The following SIGLEC10 variants were observed in gnomAD, a reference collection of about 807,000 sequenced individuals.
SIGLEC10 encodes sialic acid-binding Ig-like lectin 10.
In SIGLEC10, 45 loss-of-function variants were observed where a neutral mutation model predicts 68.3. The ratio of observed to expected loss-of-function variants is 0.66; its 90% CI spans 0.52 to 0.84. The LOEUF is 0.84. SIGLEC10 is among the 40% of genes least tolerant of loss of function. The pLI, the probability that SIGLEC10 is intolerant of heterozygous loss-of-function variation, is 0.00. For missense variants in SIGLEC10, 789 were observed against 883.1 expected, an observed-to-expected ratio of 0.89 and a Z score of 1.35; for synonymous variants, 379 against 370.8, an observed-to-expected ratio of 1.02 and a Z score of -0.26.
intron 10 of SIGLEC10, among the ~76,000 whole-genome samples, chr19:51,413,083 C>G (rs905263380): frequency 3.9e-5 from 6 of 152,060 alleles, no homozygotes; most frequent in Non-Finnish European, 2.9e-5. Flanking sequence ...GAAGGAGCCA[C>G]GAGATACAAT....
chr19:51,411,291 C>G lies in SIGLEC10; in HGVS notation c.1902G>C (p.Lys634Asn). 6.2e-7 allele frequency: 1 copy of G among 1,614,130 alleles called. No homozygotes were observed. Among genetic ancestry groups the G allele is most frequent in the Non-Finnish European group, 8.5e-7 (1 of 1,180,022 alleles). ...ACTGATACTGCTTTTTCTGGTTCTT[C>G]TTTGATTCTGGGGAGGGAGCACCTG... ...LPPGAPSPES[K>N]KNQKKQYQLP... is the part of the protein sequence containing the mutation. Residue 634 changes from lysine (K) to asparagine (N), a missense_variant, in exon 11 of 11, where the codon AAG becomes AAC. Coordinates refer to ENST00000339313, the MANE Select transcript of SIGLEC10 (RefSeq NM_033130.5).
At position 51,414,530 on chromosome 19, in the gene SIGLEC10, G is replaced by A. The variant is rs1393061287; in HGVS notation, c.1616-15C>T. 3 of 1,610,976 alleles carry A rather than the reference G, an allele frequency of 1.9e-6. No homozygotes were observed. Among genetic ancestry groups the A allele is most frequent in the Non-Finnish European group, 2.5e-6 (3 of 1,177,770 alleles). The stretch of plus-strand genomic sequence containing the variant: ...TCCCTTCTTATCTGCACACGGAGAG[G>A]GCAAGGTGAGCATTTCCCATCCACG... On this transcript the variant is annotated splice_polypyrimidine_tract_variant and intron_variant, in intron 8 of 10. Transcript: ENST00000339313. This position sits in a 1 kb window ranked among gnomAD's most constrained non-coding sequence, Gnocchi z 4.1.
At chr19:51,413,463 A>C (rs1046948292) in intron 10 of SIGLEC10, among the ~76,000 whole-genome samples, 2 of 152,200 alleles carry the variant, frequency 1.3e-5, no homozygotes, top group Admixed American at 6.6e-5. Flanking sequence ...ATGGCTACAG[A>C]TTGAGAAAGT....
At chr19:51,413,912 G>T (rs766314257) in intron 9 of SIGLEC10, 89 bp from the exon 10 acceptor site, 130 of 925,794 alleles carry the variant, frequency 1.4e-4, no homozygotes, top group Non-Finnish European at 2.1e-4. Context: ...CACTATGACA[G>T]TTACTACTGT....
Position 51,414,227 on chromosome 19 carries a change from C to T in SIGLEC10, c.1709+195G>A, listed in dbSNP as rs1988294840. On this transcript the variant is annotated intron_variant, in intron 9 of 10. Transcript: ENST00000339313. This position sits in a 1 kb window ranked among gnomAD's most constrained non-coding sequence, Gnocchi z 4.1. ...ACTTCGCTTGGGGCGTGACTGCCCTCAGCATTCCCTCTGGGAAGCAGACGC... is the reference window on the plus strand; with the variant it reads ...ACTTCGCTTGGGGCGTGACTGCCCTTAGCATTCCCTCTGGGAAGCAGACGC... 3.3e-6 allele frequency: 2 copies of T among 604,220 alleles called. No homozygotes were observed. Among genetic ancestry groups the T allele is most frequent in the Non-Finnish European group, 5.9e-6 (2 of 340,626 alleles). The allele number at this position is 604,220 out of a possible 1,614,324, so 37.4% of individuals were successfully genotyped here.
rs1988387316 is a variant in SIGLEC10 at position 51,414,624 on chromosome 19, G to A, written c.1616-109C>T. ...GGTTCCCATGGCGGACATTGTATCT[G>A]CAACCCCTCTGTTTACTTTTAGGAA... On this transcript the variant is annotated intron_variant, in intron 8 of 10. Transcript: ENST00000339313. The surrounding 1 kb of genome is among the most constrained non-coding windows in gnomAD (Gnocchi z 4.1). 7.4e-6 allele frequency: 10 copies of A among 1,359,810 alleles called. No homozygotes were observed. The highest frequency in any genetic ancestry group is 6.0e-5 in the South Asian group (5 of 82,804). 84.2% of individuals were successfully genotyped at this position (1,359,810 alleles called of 1,614,324 possible). A position where few individuals can be genotyped will look rare whatever the true frequency, so the allele number is the denominator to read the frequency against.
chr19:51,411,227 G>A lies in SIGLEC10; in HGVS notation c.1966C>T (p.Pro656Ser). The A allele has an allele frequency of 6.2e-7, 1 of 1,614,110 alleles. No homozygotes were observed. The highest frequency in any genetic ancestry group is 8.5e-7 in the Non-Finnish European group (1 of 1,180,038). ...TCCTCTTGGCTCTCCTGGGATTCTG[G>A]GGCTTGAGTGGATGATTTGGGTTCT... Reference protein sequence around the residue: ...FPEPKSSTQAPESQESQEELH... With the variant: ...FPEPKSSTQASESQESQEELH... Residue 656 changes from proline (P) to serine (S), a missense_variant, in exon 11 of 11, where the codon CCA becomes TCA. Coordinates refer to ENST00000339313, the MANE Select transcript of SIGLEC10 (RefSeq NM_033130.5).
rs71358836 is a variant in SIGLEC10, at chr19:51,416,598, A to T, written c.706+68T>A. 1.9e-6 allele frequency: 3 copies of T among 1,599,420 alleles called. No individual in the cohort carries two copies. The East Asian group carries it at 6.7e-5, about 36-fold the overall frequency. On this transcript the variant is annotated intron_variant, in intron 3 of 10. Transcript: ENST00000339313. ...TGAGCTGGGAGCCGCTCACTGTCCCACTGGGCTCCTCCACCTCCCCACCCA... is the reference window on the plus strand; with the variant it reads ...TGAGCTGGGAGCCGCTCACTGTCCCTCTGGGCTCCTCCACCTCCCCACCCA...
In SIGLEC10 at chr19:51,411,351, T is replaced by C; in HGVS notation, c.1842A>G (p.Lys614=). The C allele has an allele frequency of 6.2e-7, 1 of 1,614,018 alleles. No individual in the cohort carries two copies. Among genetic ancestry groups the C allele is most frequent in the Non-Finnish European group, 8.5e-7 (1 of 1,179,862 alleles). Reference sequence around the variant, plus strand: ...GGGTCCGAGGACTGTTTGGTGTGGCTTTCTGATTCCGCTTCTGAGCCTGAG... The same window carrying C: ...GGGTCCGAGGACTGTTTGGTGTGGCCTTCTGATTCCGCTTCTGAGCCTGAG... ...AGPLAQKRNQ[K]ATPNSPRTPL... Residue 614 remains lysine, a synonymous_variant, in exon 11 of 11, where the codon AAA becomes AAG. Coordinates refer to ENST00000339313, the MANE Select transcript of SIGLEC10 (RefSeq NM_033130.5).
Position 51,417,365 on chromosome 19 carries a change from G to C in SIGLEC10, c.138C>G (p.Pro46=), listed in dbSNP as rs61741679. Residue 46 remains proline, a synonymous_variant, in exon 2 of 11, where the codon CCC becomes CCG. Coordinates refer to ENST00000339313, the MANE Select transcript of SIGLEC10 (RefSeq NM_033130.5). ...GGGTAGACCCTGTCCAGTCCTGTCG[G>C]GGGTAGGAGAAAGAGCAGGGCACAG... ...CISVPCSFSY[P]RQDWTGSTPA... 0.037 allele frequency: 59,083 copies of C among 1,614,142 alleles called. 1,863 individuals carry two copies. The highest frequency in any genetic ancestry group is 0.14 in the African/African-American group (10,791 of 74,996).
chr19:51,413,203 A>G (rs1988180025), intron 10 of SIGLEC10, among the ~76,000 whole-genome samples: 1 of 152,178 alleles, frequency 6.6e-6, no homozygotes, highest in African/African-American at 2.4e-5. Context: ...AGTACAATAT[A>G]TTTAACACCC....
rs781346556 is a variant in SIGLEC10, at chr19:51,416,777, C to T, written c.595G>A (p.Val199Met). The change falls in exon 3 of 11, where the codon GTG (valine) becomes ATG (methionine). Residue 199 changes from valine to methionine, a missense_variant. Val to Met is a conservative substitution (Grantham distance 21). Transcript: ENST00000339313. The part of the protein sequence containing the change: ...GTKPTTSHFS[V>M]LSFTPRPQDH... Reference sequence around the variant, plus strand: ...TGGGGTCTGGGCGTGAAGCTGAGCACTGAGAAGTGGGAGGTCGTTGGTTTG... The same window carrying T: ...TGGGGTCTGGGCGTGAAGCTGAGCATTGAGAAGTGGGAGGTCGTTGGTTTG... The T allele has an allele frequency of 3.1e-6, 5 of 1,614,092 alleles. No individual in the cohort carries two copies. Among genetic ancestry groups the T allele is most frequent in the Non-Finnish European group, 8.5e-7 (1 of 1,180,046 alleles).
At chr19:51,417,512 C>T (rs757954106) in intron 1 of SIGLEC10, 33 bp downstream of exon 1, 6 of 1,614,066 alleles carry the variant, frequency 3.7e-6, no homozygotes, top group Non-Finnish European at 5.1e-6. Flanking sequence ...CCTAGCTCCG[C>T]CCCAGGTCCT....
At chr19:51,416,486 G>C (rs546288458) in intron 3 of SIGLEC10, 129 bp from the exon 4 acceptor site, 1 of 1,596,974 alleles carries the variant, frequency 6.3e-7, no homozygotes, top group Admixed American at 1.8e-5. Context: ...CAGGGCTCAC[G>C]TGTGTGGACC....
At position 51,415,347 on chromosome 19, in the gene SIGLEC10, G is replaced by A; in HGVS notation, c.1164C>T (p.Ala388=). 1 of 1,613,354 alleles carries A rather than the reference G, an allele frequency of 6.2e-7. No individual in the cohort carries two copies. The highest frequency in any genetic ancestry group is 8.5e-7 in the Non-Finnish European group (1 of 1,179,570). The change falls in exon 7 of 11, where the codon GCC becomes GCT. Residue 388 remains alanine (A), a synonymous_variant. Coordinates refer to ENST00000339313, the MANE Select transcript of SIGLEC10 (RefSeq NM_033130.5). ...GTCCCCTCTGGGTCCAGCTCAGCCT[G>A]GCTGGGGGGCTGCTGTGTGTGACAC... The part of the protein sequence containing the change: ...LVCVTHSSPP[A]RLSWTQRGQV...
chr19:51,413,249 C>G (rs1375365192), intron 10 of SIGLEC10, among the ~76,000 whole-genome samples: 2 of 152,140 alleles, frequency 1.3e-5, no homozygotes. Flanking sequence ...AGTATTGTCT[C>G]CATGTTACAG....
rs761385681 is a variant in SIGLEC10 at position 51,411,255 on chromosome 19, G to A, written c.1938C>T (p.Phe646=). 4 of 1,614,160 alleles carry A rather than the reference G, an allele frequency of 2.5e-6. No homozygotes were observed. Among genetic ancestry groups the A allele is most frequent in the Non-Finnish European group, 3.4e-6 (4 of 1,180,036 alleles). Residue 646 remains phenylalanine (F), a synonymous_variant, in exon 11 of 11, where the codon TTC becomes TTT. Transcript: ENST00000339313. ...CTTGAGTGGATGATTTGGGTTCTGG[G>A]AAACTGGGCAACTGATACTGCTTTT... ...NQKKQYQLPS[F]PEPKSSTQAP...
At chr19:51,415,783 A>C in intron 5 of SIGLEC10, 115 bp downstream of exon 5, 1 of 1,578,886 alleles carries the variant, frequency 6.3e-7, no homozygotes, top group Non-Finnish European at 8.6e-7. Context: ...ACAGGTAAGA[A>C]GGTCGGTCTC....
At position 51,414,672 on chromosome 19, in the gene SIGLEC10, G is replaced by T; in HGVS notation, c.1615+152C>A. The stretch of plus-strand genomic sequence containing the variant: ...GAAACCCTGCCACACCCCGGCCCAG[G>T]TGTTAGGACTTCCCATTGTGTTTTC... On this transcript the variant is annotated intron_variant, in intron 8 of 10. Transcript: ENST00000339313. The surrounding 1 kb of genome is among the most constrained non-coding windows in gnomAD (Gnocchi z 4.1). 1.4e-6 allele frequency: 2 copies of T among 1,395,972 alleles called. No homozygotes were observed. The highest frequency in any genetic ancestry group is 1.0e-6 in the Non-Finnish European group (1 of 995,548). 86.5% of individuals were successfully genotyped at this position (1,395,972 alleles called of 1,614,324 possible).
Sources: gnomAD v4.1 joint callset for allele counts (sites outside exome capture counted in the v4.1 genomes callset) on GRCh38, gnomAD v4.1.1 for gene constraint, Gnocchi (gnomAD v3.1) non-coding constraint, MANE v1.5 for transcripts, NCBI Gene and HGNC (gene_info 2026-07-23, HGNC 2026-07-21) for gene names.